FOXP2: variants seen among roughly 807,000 people sequenced by gnomAD.
FOXP2 encodes forkhead box protein P2.
In FOXP2, 12 loss-of-function variants were observed where a neutral mutation model predicts 115.8. The ratio of observed to expected loss-of-function variants is 0.10; its 90% confidence interval spans 0.07 to 0.17. The LOEUF (loss-of-function observed/expected upper bound fraction) is 0.17, where lower values mean the gene tolerates loss of function less well. Among genes scored for constraint, FOXP2 ranks in the 10% least tolerant of loss-of-function variants. The pLI is 1.00. For missense variants in FOXP2, 629 were observed against 843.5 expected, an observed-to-expected ratio of 0.75 and a Z score of 3.15; for synonymous variants, 328 against 297.7, an observed-to-expected ratio of 1.10 and a Z score of -1.05.
At chr7:114,408,898 G>A (rs1488354964) in intron 2 of FOXP2, among the ~76,000 whole-genome samples, 4 of 151,950 alleles carry the variant, frequency 2.6e-5, no homozygotes, top group African/African-American at 9.7e-5. Context: ...ATTGACCAGA[G>A]TACTTGTTAC....
intron 2 of FOXP2, among the ~76,000 whole-genome samples, chr7:114,336,796 GA>G (rs1229595357): frequency 6.6e-6 from 1 of 151,378 alleles, no homozygotes; most frequent in African/African-American, 2.4e-5. Context: ...GAAGAGGGGA[GA>G]AAAAAACCCA....
In FOXP2 at chr7:114,526,078, C is replaced by T. The variant is rs1286018760; in HGVS notation, c.169-8539C>T. ...AGTGAGCCAAGATCACACCATTGCA[C>T]TCCAGCCTGGACAACAAGAGTGAAA... On this transcript the variant is annotated intron_variant, in intron 2 of 16. Coordinates refer to ENST00000350908, the MANE Select transcript of FOXP2 (RefSeq NM_014491.4). Among the ~76,000 whole-genome samples, 7 of 148,610 alleles carry T rather than the reference C, an allele frequency of 4.7e-5. No individual in the cohort carries two copies. The East Asian group carries it at 1.0e-3, about 21-fold the overall frequency.
chr7:114,533,195 C>T (rs1393787258), intron 2 of FOXP2, among the ~76,000 whole-genome samples: 1 of 151,902 alleles, frequency 6.6e-6, no homozygotes, highest in Non-Finnish European at 1.5e-5. Flanking sequence ...ATCCTGCTAT[C>T]GGAAGACAAA....
At chr7:114,544,002 T>C (rs1264582475) in intron 3 of FOXP2, among the ~76,000 whole-genome samples, 1 of 152,154 alleles carries the variant, frequency 6.6e-6, no homozygotes, top group Non-Finnish European at 1.5e-5. Flanking sequence ...GCCTAGCATG[T>C]TTTTTTCTTT....
chr7:114,348,616 T>C (rs1308034949), intron 2 of FOXP2, among the ~76,000 whole-genome samples: 2 of 152,134 alleles, frequency 1.3e-5, no homozygotes, highest in African/African-American at 4.8e-5. Context: ...GAAAGAACAC[T>C]GTCCAGGATC....
At chr7:114,565,661 A>C (rs1800985319) in intron 3 of FOXP2, among the ~76,000 whole-genome samples, 1 of 152,164 alleles carries the variant, frequency 6.6e-6, no homozygotes, top group African/African-American at 2.4e-5. Flanking sequence ...CTTTTTACAA[A>C]TAATTTTATC....
chr7:114,445,069 C>T (rs964695262), intron 2 of FOXP2, among the ~76,000 whole-genome samples: 14 of 149,996 alleles, frequency 9.3e-5, no homozygotes, highest in Admixed American at 5.3e-4. Context: ...TTCTATTCAA[C>T]TATTTTGACT....
At chr7:114,615,283 T>C (rs926886176) in intron 3 of FOXP2, among the ~76,000 whole-genome samples, 2 of 152,182 alleles carry the variant, frequency 1.3e-5, no homozygotes, top group Non-Finnish European at 2.9e-5. Flanking sequence ...TAAGCAATTA[T>C]ATTGCTCACT....
At chr7:114,579,138 G>A (rs934346051) in intron 3 of FOXP2, among the ~76,000 whole-genome samples, 3 of 152,076 alleles carry the variant, frequency 2.0e-5, no homozygotes, top group African/African-American at 7.2e-5. Flanking sequence ...AGATAAATAT[G>A]TATTAACAAT....
chr7:114,551,909 T>G (rs1800227248), intron 3 of FOXP2, among the ~76,000 whole-genome samples: 1 of 152,176 alleles, frequency 6.6e-6, no homozygotes, highest in Admixed American at 6.5e-5. Flanking sequence ...GACAAATATT[T>G]ATAACTACTG....
chr7:114,297,407 C>T, intron 2 of FOXP2: 1 of 648,988 alleles, frequency 1.5e-6, no homozygotes. Context: ...GGCCCACTGT[C>T]ATAGGGGTAG....
In FOXP2 at chr7:114,204,761, C is replaced by G. The variant is rs1794157422; in HGVS notation, c.-102+41673C>G. ...TAAATAATCTAATGTGAGTTTTGCCCTTTTCTTATTTGATAAAGGTTTTTA... is the reference window on the plus strand; with the variant it reads ...TAAATAATCTAATGTGAGTTTTGCCGTTTTCTTATTTGATAAAGGTTTTTA... On this transcript the variant is annotated intron_variant, in intron 1 of 17. Transcript: ENST00000634411. Among the ~76,000 whole-genome samples, 5 of 152,072 alleles carry G rather than the reference C, an allele frequency of 3.3e-5. No individual in the cohort carries two copies. The South Asian group carries it at 1.0e-3, about 32-fold the overall frequency.
chr7:114,463,955 A>T (rs1290029737), intron 2 of FOXP2, among the ~76,000 whole-genome samples: 11 of 151,904 alleles, frequency 7.2e-5, no homozygotes, highest in Middle Eastern at 3.4e-3. Context: ...TTGACTATAT[A>T]TTTTTTTTTA....
chr7:114,574,852 A>G (rs949399679), intron 3 of FOXP2, among the ~76,000 whole-genome samples: 3 of 151,858 alleles, frequency 2.0e-5, no homozygotes, highest in African/African-American at 7.2e-5. Flanking sequence ...TCTTGTACCT[A>G]TAATCTGAAA....
At chr7:114,476,415 A>G (rs1796263910) in intron 2 of FOXP2, among the ~76,000 whole-genome samples, 1 of 151,978 alleles carries the variant, frequency 6.6e-6, no homozygotes, top group African/African-American at 2.4e-5. Context: ...ACTTTGTTGA[A>G]GATCACATGG....
At chr7:114,473,330 G>T (rs1332479543) in intron 2 of FOXP2, among the ~76,000 whole-genome samples, 2 of 152,140 alleles carry the variant, frequency 1.3e-5, no homozygotes, top group Non-Finnish European at 2.9e-5. Context: ...CCCAAACCTT[G>T]GTGCCAGAAT....
rs527390503 is a variant in FOXP2 at position 114,609,028 on chromosome 7, G to A, written c.259-19512G>A. Among the ~76,000 whole-genome samples the A allele has an allele frequency of 1.4e-3, 207 of 151,852 alleles. 1 individual carries two copies. The highest frequency in any genetic ancestry group is 3.9e-3 in the Admixed American group (60 of 15,236). ...AGCCTGAGCAACATGACGAAACCCC[G>A]TCTCTACTAAAAAAACAAAACAAAA... On this transcript the variant is annotated intron_variant, in intron 3 of 16. Transcript: ENST00000350908.
intron 2 of FOXP2, among the ~76,000 whole-genome samples, chr7:114,468,620 T>C (rs190177466): frequency 3.3e-5 from 5 of 152,218 alleles, no homozygotes; most frequent in Admixed American, 3.3e-4. Flanking sequence ...AACAACTCTT[T>C]CTCATTCTTT....
At chr7:114,245,943 A>T (rs942451486) in intron 1 of FOXP2, among the ~76,000 whole-genome samples, 86 of 152,318 alleles carry the variant, frequency 5.6e-4, no homozygotes, top group African/African-American at 2.0e-3. Context: ...TCAAGAACAA[A>T]TATGAGCTAT....
Sources: gnomAD v4.1 joint callset for allele counts (sites outside exome capture counted in the v4.1 genomes callset) on GRCh38, gnomAD v4.1.1 for gene constraint, MANE v1.5 for transcripts, NCBI Gene and HGNC (gene_info 2026-07-23, HGNC 2026-07-21) for gene names.